APBB2: variants seen among roughly 807,000 people sequenced by gnomAD.
The protein encoded by APBB2 is amyloid beta precursor protein binding family B member 2.
Under a neutral mutation model 82.5 loss-of-function variants are expected in APBB2, and 38 were observed. The ratio of observed to expected loss-of-function variants is 0.46; its 90% CI spans 0.36 to 0.60. The LOEUF (loss-of-function observed/expected upper bound fraction) is 0.60, where lower values mean the gene tolerates loss of function less well. Among genes scored for constraint, APBB2 ranks in the 20% least tolerant of loss-of-function variants. The pLI is 0.00. For synonymous variants in APBB2, 341 were observed against 368.2 expected (o/e 0.93, Z 0.85); for missense variants, 772 against 972.3 (o/e 0.79, Z 2.74).
At chr4:40,886,510 A>C (rs1770338946) in intron 12 of APBB2, among the ~76,000 whole-genome samples, 1 of 152,022 alleles carries the variant, frequency 6.6e-6, no homozygotes, top group Admixed American at 6.6e-5. Context: ...AAAAGAAATT[A>C]TGTTTGCTTG....
intron 2 of APBB2, among the ~76,000 whole-genome samples, chr4:41,129,531 T>A (rs1356805157): frequency 2.0e-5 from 3 of 152,234 alleles, no homozygotes; most frequent in African/African-American, 7.2e-5. Flanking sequence ...GGACACATTG[T>A]ATTAGATCAA....
At chr4:41,026,078 A>G (rs1714070911) in intron 5 of APBB2, among the ~76,000 whole-genome samples, 1 of 152,232 alleles carries the variant, frequency 6.6e-6, no homozygotes, top group Admixed American at 6.5e-5. Flanking sequence ...TTATCCTTAG[A>G]AAACTAATGC....
intron 6 of APBB2, among the ~76,000 whole-genome samples, chr4:41,003,740 T>TTG (rs1805862242): frequency 6.6e-6 from 1 of 152,178 alleles, no homozygotes; most frequent in Admixed American, 6.5e-5. Context: ...TGAGACAGAG[T>TTG]CTCGCTCTGT....
At chr4:40,845,968 G>C (rs1160063647) in intron 12 of APBB2, among the ~76,000 whole-genome samples, 3 of 139,106 alleles carry the variant, frequency 2.2e-5, no homozygotes, top group Non-Finnish European at 4.6e-5. Context: ...TCCAGCTTCA[G>C]GGGTGGGTAG....
chr4:40,858,454 C>CAAAAAAAAAAAAAAAAAAAAAAAAAAAAA (rs34433911), intron 12 of APBB2, among the ~76,000 whole-genome samples: 13 of 57,716 alleles, frequency 2.3e-4, no homozygotes, highest in Middle Eastern at 0.013. Flanking sequence ...GAGTCCGTCT[C>CAAAAAAAAAAAAAAAAAAAAAAAAAAAAA]AAAAAAAAAA....
intron 12 of APBB2, among the ~76,000 whole-genome samples, chr4:40,850,417 C>T (rs1260488984): frequency 6.6e-6 from 1 of 152,206 alleles, no homozygotes; most frequent in African/African-American, 2.4e-5. Context: ...TGCAGGAATT[C>T]TCTTTGGGGG....
rs1237115128 is a variant in APBB2, at chr4:40,923,022, CG to C, written c.1254+11433del. Among the ~76,000 whole-genome samples the C allele has an allele frequency of 2.0e-5, 3 of 149,354 alleles. No homozygotes were observed. The East Asian group carries it at 5.9e-4, about 30-fold the overall frequency. On this transcript the variant is annotated intron_variant, in intron 10 of 17. Coordinates refer to ENST00000508593, the MANE Select transcript of APBB2 (RefSeq NM_004307.2). ...CGGAGTCCCGCTCTTTAGCCCAGGC[CG>C]GATTGCAGTGGCACAATCTTGGCTC...
rs112395629 is a variant in APBB2 at position 41,032,566 on chromosome 4, C to T, written c.19+670G>A. Among the ~76,000 whole-genome samples the T allele has an allele frequency of 3.7e-3, 567 of 151,916 alleles. 6 individuals are homozygous for T. The highest frequency in any genetic ancestry group is 0.036 in the East Asian group (185 of 5,164). ...TATTAATAAGATGCAGATTGAGAAACGCAACACCAACACCTACTCCTTTGT... is the reference window on the plus strand; with the variant it reads ...TATTAATAAGATGCAGATTGAGAAATGCAACACCAACACCTACTCCTTTGT... On this transcript the variant is annotated intron_variant, in intron 5 of 17. Coordinates refer to ENST00000508593, the MANE Select transcript of APBB2 (RefSeq NM_004307.2).
intron 12 of APBB2, among the ~76,000 whole-genome samples, chr4:40,887,052 G>A (rs995187216): frequency 6.6e-6 from 1 of 152,126 alleles, no homozygotes; most frequent in Non-Finnish European, 1.5e-5. Flanking sequence ...ATAGTTGTGC[G>A]ACAACCAAAA....
intron 2 of APBB2, among the ~76,000 whole-genome samples, chr4:41,113,294 G>A (rs189570202): frequency 8.5e-5 from 13 of 152,298 alleles, no homozygotes; most frequent in Admixed American, 7.2e-4. Context: ...AGGGATATCT[G>A]AGTTGGGGGA....
chr4:41,165,613 A>T (rs1766313246), intron 1 of APBB2, among the ~76,000 whole-genome samples: 1 of 152,088 alleles, frequency 6.6e-6, no homozygotes. Flanking sequence ...GTGCTTAGCA[A>T]TTCCAGAGCG....
intron 10 of APBB2, among the ~76,000 whole-genome samples, chr4:40,897,922 C>A (rs1434605930): frequency 1.3e-5 from 2 of 151,868 alleles, no homozygotes; most frequent in Non-Finnish European, 2.9e-5. Flanking sequence ...AAGTCATCTG[C>A]CACTTAAAAA....
intron 1 of APBB2, among the ~76,000 whole-genome samples, chr4:41,167,175 G>A (rs543796094): frequency 1.3e-5 from 2 of 152,294 alleles, no homozygotes; most frequent in African/African-American, 4.8e-5. Flanking sequence ...GTGGGGGCAG[G>A]CGCACAGTTT....
chr4:41,049,304 GCCCGGCAGCCGC>G (rs1724838616), intron 4 of APBB2, among the ~76,000 whole-genome samples: 1 of 150,656 alleles, frequency 6.6e-6, no homozygotes, highest in South Asian at 2.1e-4. Context: ...GAGCCCCTCT[GCCCGGCAGCCGC>G]CCCGTCGGAG....
chr4:40,956,128 T>C (rs1320203151), intron 6 of APBB2, among the ~76,000 whole-genome samples: 1 of 152,178 alleles, frequency 6.6e-6, no homozygotes, highest in African/African-American at 2.4e-5. Context: ...TCTCTCTTTT[T>C]TTCTCTCTCA....
chr4:40,850,432 T>A (rs1758977082), intron 12 of APBB2, among the ~76,000 whole-genome samples: 1 of 152,240 alleles, frequency 6.6e-6, no homozygotes, highest in Non-Finnish European at 1.5e-5. Context: ...TGGGGGCTAA[T>A]TTTCAACACA....
At chr4:40,828,260 T>C (rs1337484143) in intron 13 of APBB2, among the ~76,000 whole-genome samples, 1 of 152,220 alleles carries the variant, frequency 6.6e-6, no homozygotes, top group Non-Finnish European at 1.5e-5. Context: ...TCTGCTTTAC[T>C]TAAGAGTAAA....
chr4:41,106,320 G>C (rs1407666641), intron 2 of APBB2, among the ~76,000 whole-genome samples: 1 of 152,176 alleles, frequency 6.6e-6, no homozygotes, highest in Non-Finnish European at 1.5e-5. Flanking sequence ...CTAGCCCAAA[G>C]CCCAAAGACC....
At chr4:41,212,373 T>C (rs1398675547) in intron 1 of APBB2, among the ~76,000 whole-genome samples, 3 of 151,930 alleles carry the variant, frequency 2.0e-5, no homozygotes, top group Non-Finnish European at 4.4e-5. Context: ...AGGATCTCAC[T>C]CTGTTGCCCA....
Sources: gnomAD v4.1 joint callset for allele counts (sites outside exome capture counted in the v4.1 genomes callset) on GRCh38, gnomAD v4.1.1 for gene constraint, MANE v1.5 for transcripts, NCBI Gene and HGNC (gene_info 2026-07-23, HGNC 2026-07-21) for gene names.